The following CLIP4 variants were observed in gnomAD, a reference collection of about 807,000 sequenced individuals.
The protein encoded by CLIP4 is CAP-Gly domain-containing linker protein 4.
A neutral mutation model predicts 73.1 loss-of-function variants in CLIP4; 47 were observed. The ratio of observed to expected loss-of-function variants is 0.64; its 90% confidence interval spans 0.51 to 0.82. CLIP4 has a LOEUF of 0.82. CLIP4 is among the 40% of genes least tolerant of loss of function. The probability of loss-of-function intolerance (pLI) is 0.00; values close to 1 mark genes in which losing one functional copy is unlikely to be tolerated. For synonymous variants in CLIP4, 306 were observed against 295.4 expected (o/e 1.04, Z -0.37); for missense variants, 874 against 852.9 (o/e 1.02, Z -0.31).
intron 2 of CLIP4, among the ~76,000 whole-genome samples, chr2:29,124,184 C>T (rs1664442189): frequency 2.6e-5 from 4 of 152,238 alleles, no homozygotes; most frequent in Middle Eastern, 6.8e-3. Context: ...TGCTGGTCTG[C>T]CAGTGATGAA....
chr2:29,157,878 C>T (rs891058597), intron 11 of CLIP4, among the ~76,000 whole-genome samples: 29 of 152,216 alleles, frequency 1.9e-4, no homozygotes, highest in African/African-American at 7.0e-4. Flanking sequence ...TTGCAGTTCA[C>T]TTATTTGCCT....
chr2:29,142,940 A>G (rs971317380), intron 6 of CLIP4, among the ~76,000 whole-genome samples: 2 of 152,230 alleles, frequency 1.3e-5, no homozygotes, highest in Non-Finnish European at 1.5e-5. Context: ...TGGCCATTTT[A>G]TCTTGTCACA....
At chr2:29,126,360 T>G (rs2339420) in intron 2 of CLIP4, among the ~76,000 whole-genome samples, 21,149 of 152,270 alleles carry the variant, frequency 0.14, 1,983 homozygotes, top group Middle Eastern at 0.24. Context: ...TATTCTGGCA[T>G]TAATCCTGAC....
chr2:29,121,084 C>G (rs1664217764), intron 1 of CLIP4, among the ~76,000 whole-genome samples: 1 of 152,042 alleles, frequency 6.6e-6, no homozygotes, highest in Admixed American at 6.5e-5. Context: ...AGGATTTCAC[C>G]CATTTAGATT....
intron 1 of CLIP4, among the ~76,000 whole-genome samples, chr2:29,116,564 T>TA (rs895268080): frequency 2.0e-5 from 3 of 152,214 alleles, no homozygotes; most frequent in Admixed American, 6.5e-5. Flanking sequence ...GTGAGTCGTC[T>TA]AAACAGCACA....
At chr2:29,153,506 A>G (rs1289786882) in intron 9 of CLIP4, among the ~76,000 whole-genome samples, 1 of 146,498 alleles carries the variant, frequency 6.8e-6, no homozygotes, top group African/African-American at 2.5e-5. Context: ...TGCTTTTTTT[A>G]TCCATACCAC....
chr2:29,154,066 G>A (rs1666759738), intron 9 of CLIP4, among the ~76,000 whole-genome samples: 2 of 152,128 alleles, frequency 1.3e-5, no homozygotes, highest in South Asian at 4.1e-4. Flanking sequence ...ATATCTTTCT[G>A]TTTAATTAGG....
intron 6 of CLIP4, among the ~76,000 whole-genome samples, chr2:29,139,340 TG>T (rs946160735): frequency 2.6e-5 from 4 of 152,070 alleles, no homozygotes; most frequent in Non-Finnish European, 4.4e-5. Flanking sequence ...TTGCATGACT[TG>T]ATCACGGTGA....
chr2:29,125,084 C>G (rs965270059), intron 2 of CLIP4, among the ~76,000 whole-genome samples: 1 of 152,150 alleles, frequency 6.6e-6, no homozygotes. Context: ...TGAGGTCCTA[C>G]TTTTCTGATT....
At chr2:29,110,380 A>G (rs765427350) in intron 1 of CLIP4, among the ~76,000 whole-genome samples, 2 of 152,220 alleles carry the variant, frequency 1.3e-5, no homozygotes, top group African/African-American at 2.4e-5. Context: ...AAGGATTTCT[A>G]TGGTATGTGA....
At chr2:29,144,829 G>C (rs1197554128) in intron 7 of CLIP4, among the ~76,000 whole-genome samples, 4 of 115,666 alleles carry the variant, frequency 3.5e-5, no homozygotes, top group African/African-American at 1.4e-4. Context: ...TTTGAGAAGA[G>C]TCTCACTTTG....
At chr2:29,130,639 C>G (rs186779474) in intron 2 of CLIP4, 3 of 1,123,166 alleles carry the variant, frequency 2.7e-6, no homozygotes, top group African/African-American at 3.4e-5. Context: ...ATTTTGTTGT[C>G]TAAGCTTACG....
chr2:29,153,519 A>G (rs944128441), intron 9 of CLIP4, among the ~76,000 whole-genome samples: 4 of 151,778 alleles, frequency 2.6e-5, no homozygotes, highest in Admixed American at 2.6e-4. Flanking sequence ...CATACCACCC[A>G]ATTGTTATTT....
chr2:29,167,950 G>A (rs1376276604), intron 14 of CLIP4: 1 of 153,250 alleles, frequency 6.5e-6, no homozygotes, highest in African/African-American at 2.4e-5. Context: ...GGTTATTTGG[G>A]TTATATCCTG....
intron 14 of CLIP4, among the ~76,000 whole-genome samples, chr2:29,170,518 T>G (rs1421765994): frequency 6.6e-6 from 1 of 152,236 alleles, no homozygotes; most frequent in Non-Finnish European, 1.5e-5. Context: ...ATCAGACATG[T>G]GTTTTGCAAC....
chr2:29,108,518 C>A (rs941707192), intron 1 of CLIP4, among the ~76,000 whole-genome samples: 1 of 152,146 alleles, frequency 6.6e-6, no homozygotes, highest in African/African-American at 2.4e-5. Flanking sequence ...TGGAATTTTC[C>A]ACTTAATATT....
chr2:29,144,795 T>TC (rs1333984201), intron 7 of CLIP4, among the ~76,000 whole-genome samples: 2 of 133,714 alleles, frequency 1.5e-5, no homozygotes, highest in African/African-American at 2.9e-5. Context: ...CATAGTTATA[T>TC]CCCTTTTTTT....
intron 6 of CLIP4, 58 bp from the exon 7 acceptor site, chr2:29,143,651 A>T: frequency 8.8e-7 from 1 of 1,136,446 alleles, no homozygotes; most frequent in Non-Finnish European, 1.3e-6. Flanking sequence ...GAAATTTTAT[A>T]TGACTTTCTA....
At chr2:29,177,041 T>A (rs1387006748) in intron 15 of CLIP4, among the ~76,000 whole-genome samples, 2 of 152,104 alleles carry the variant, frequency 1.3e-5, no homozygotes, top group Admixed American at 1.3e-4. Flanking sequence ...TTTCCCTGAC[T>A]TTTTTTTCAT....
Sources: allele counts gnomAD v4.1 joint callset (sites outside exome capture counted in the v4.1 genomes callset), GRCh38; gene constraint gnomAD v4.1.1; transcripts MANE v1.5; gene names NCBI Gene and HGNC (gene_info 2026-07-23, HGNC 2026-07-21).